Variants in ANK3 observed in about 807,000 individuals in gnomAD.
ANK3 encodes ankyrin-3.
ANK3 carries 57 observed loss-of-function variants against 370.9 expected under a neutral mutation model. The observed-to-expected ratio is 0.15, with a 90% CI of 0.12 to 0.19. ANK3 has a LOEUF of 0.19. Ranked by LOEUF, ANK3 falls within the 10% of genes least tolerant of loss-of-function variation. ANK3 has a pLI of 1.00. For missense variants in ANK3, 4,439 were observed against 5,302.1 expected, an observed-to-expected ratio of 0.84 and a Z score of 5.06; for synonymous variants, 1,929 against 1,946.3, an observed-to-expected ratio of 0.99 and a Z score of 0.23.
rs542880417 is a variant in ANK3 at position 60,194,916 on chromosome 10, C to A, written c.1887+1229G>T. On this transcript the variant is annotated intron_variant, in intron 16 of 43. Transcript: ENST00000280772. The stretch of plus-strand genomic sequence containing the variant: ...AAAGTTTCCAGGAAGAAATATCTGT[C>A]GAAGATAACATACTCTCTAAATGGA... 2.6e-5 allele frequency among the ~76,000 whole-genome samples: 4 copies of A among 152,092 alleles called. No homozygotes were observed. In the East Asian group the frequency reaches 7.7e-4, roughly 29 times the overall value.
At chr10:60,473,966 C>CAAAAAA (rs139841930) in intron 2 of ANK3, among the ~76,000 whole-genome samples, 1 of 92,650 alleles carries the variant, frequency 1.1e-5, no homozygotes, top group Non-Finnish European at 2.1e-5. Flanking sequence ...CCTGTTTCTA[C>CAAAAAA]AAAAAAAAAA....
rs71015756 is a variant in ANK3 at position 60,029,875 on chromosome 10, C to CTTTTTTTTTTTTTTTTTTTTTTTT, written c.*20-73_*20-50dup. 2.5e-4 allele frequency: 17 copies of CTTTTTTTTTTTTTTTTTTTTTTTT among 68,606 alleles called. 1 individual carries two copies. Among genetic ancestry groups the CTTTTTTTTTTTTTTTTTTTTTTTT allele is most frequent in the East Asian group, 1.4e-3 (3 of 2,204 alleles). 4.2% of individuals were successfully genotyped at this position (68,606 alleles called of 1,614,324 possible). On this transcript the variant is annotated intron_variant, in intron 43 of 43. Transcript: ENST00000280772. ...TGAGTTTAGCTTTCTTTTTCTTTTT[C>CTTTTTTTTTTTTTTTTTTTTTTTT]TTTTTTTTTTTTTTTTTTTTTTTTT...
At chr10:60,312,084 A>G (rs2046465901) in intron 1 of ANK3, among the ~76,000 whole-genome samples, 1 of 152,220 alleles carries the variant, frequency 6.6e-6, no homozygotes, top group African/African-American at 2.4e-5. Context: ...GGCAGGAATA[A>G]AACAGGATAG....
intron 2 of ANK3, among the ~76,000 whole-genome samples, chr10:60,586,874 G>A (rs561705938): frequency 2.2e-4 from 34 of 152,220 alleles, no homozygotes; most frequent in African/African-American, 8.2e-4. Flanking sequence ...GAGCCACTAG[G>A]GGTTACGGCA....
rs2077962511 is a variant in ANK3, at chr10:60,594,655, A to C, written c.96+20531T>G. 1.3e-5 allele frequency among the ~76,000 whole-genome samples: 2 copies of C among 152,206 alleles called. 1 individual carries two copies. Among genetic ancestry groups the C allele is most frequent in the African/African-American group, 4.8e-5 (2 of 41,450 alleles). ...TGAAAAAAATATATATAAGAAAAGT[A>C]AAATGTAGACACAGCAAATTTTTTA... On this transcript the variant is annotated intron_variant, in intron 2 of 43. Transcript: ENST00000373827.
chr10:60,055,272 G>C (rs1012571463), intron 42 of ANK3, among the ~76,000 whole-genome samples: 2 of 152,118 alleles, frequency 1.3e-5, no homozygotes, highest in African/African-American at 4.8e-5. Flanking sequence ...GGATCAGAAT[G>C]ATTATCCTCC....
intron 1 of ANK3, among the ~76,000 whole-genome samples, chr10:60,706,353 C>T (rs1200822857): frequency 1.3e-5 from 2 of 152,120 alleles, no homozygotes. Flanking sequence ...AGAGACATGC[C>T]AGCCCCAAGG....
chr10:60,211,646 G>T (rs574990448), intron 9 of ANK3, among the ~76,000 whole-genome samples: 2 of 152,054 alleles, frequency 1.3e-5, no homozygotes, highest in African/African-American at 4.8e-5. Flanking sequence ...CACAAGACTG[G>T]CAGCCTCTTT....
At position 60,289,893 on chromosome 10, in the gene ANK3, G is replaced by A. The variant is rs141343102; in HGVS notation, c.115-10254C>T. On this transcript the variant is annotated intron_variant, in intron 1 of 43. Coordinates refer to ENST00000280772, the MANE Select transcript of ANK3 (RefSeq NM_020987.5). Reference sequence around the variant, plus strand: ...AAAAAATTAGTCTAATGACTTGAAAGGCCCATTCTTCTGTGTTTAAGGCTT... The same window carrying A: ...AAAAAATTAGTCTAATGACTTGAAAAGCCCATTCTTCTGTGTTTAAGGCTT... 5.3e-5 allele frequency among the ~76,000 whole-genome samples: 8 copies of A among 152,280 alleles called. No individual in the cohort carries two copies. In the East Asian group the frequency reaches 1.4e-3, roughly 26 times the overall value.
intron 16 of ANK3, among the ~76,000 whole-genome samples, chr10:60,190,163 A>C (rs1488023593): frequency 6.6e-6 from 1 of 152,212 alleles, no homozygotes; most frequent in African/African-American, 2.4e-5. Context: ...ATACATTGGC[A>C]ATTTTAAAAA....
At chr10:60,083,720 A>G (rs1353905739) in intron 32 of ANK3, 103 bp from the exon 33 acceptor site, 1 of 982,124 alleles carries the variant, frequency 1.0e-6, no homozygotes, top group Non-Finnish European at 1.5e-6. Flanking sequence ...ACTATGTTAC[A>G]CGTGTCTCTA....
chr10:60,605,647 C>T (rs1247264715), intron 2 of ANK3, among the ~76,000 whole-genome samples: 1 of 152,044 alleles, frequency 6.6e-6, no homozygotes, highest in Non-Finnish European at 1.5e-5. Flanking sequence ...TGAATGGGAG[C>T]ATGTGGTCTC....
At chr10:60,089,585 A>G (rs1336457488) in intron 28 of ANK3, among the ~76,000 whole-genome samples, 1 of 152,070 alleles carries the variant, frequency 6.6e-6, no homozygotes, top group Non-Finnish European at 1.5e-5. Context: ...AAAAATTTTT[A>G]TGGCATAATA....
intron 16 of ANK3, 74 bp downstream of exon 16, chr10:60,196,071 G>A: frequency 1.5e-6 from 2 of 1,339,752 alleles, no homozygotes; most frequent in Non-Finnish European, 2.1e-6. Flanking sequence ...TCCTGCTGAA[G>A]CAGAAGTAGA....
chr10:60,317,823 C>T (rs908155088), intron 1 of ANK3, among the ~76,000 whole-genome samples: 9 of 151,202 alleles, frequency 6.0e-5, no homozygotes, highest in African/African-American at 2.2e-4. Context: ...ATGCTATTCT[C>T]CTGCCTCAGC....
chr10:60,572,971 G>A (rs747347381), intron 2 of ANK3: 7 of 988,360 alleles, frequency 7.1e-6, no homozygotes, highest in African/African-American at 3.5e-5. Flanking sequence ...ACAAGTCTCC[G>A]AAGCCTTCCC....
At chr10:60,470,092 G>A (rs967008996) in intron 2 of ANK3, among the ~76,000 whole-genome samples, 8 of 152,092 alleles carry the variant, frequency 5.3e-5, no homozygotes, top group Non-Finnish European at 7.4e-5. Flanking sequence ...ATAATCTTCC[G>A]TGTCAGTCTA....
intron 9 of ANK3, among the ~76,000 whole-genome samples, chr10:60,209,757 T>C (rs2096823521): frequency 6.6e-6 from 1 of 152,114 alleles, no homozygotes; most frequent in South Asian, 2.1e-4. Flanking sequence ...TTTGATACAG[T>C]CTTAGAGGAA....
chr10:60,311,420 CTCACAT>C (rs1297778640), intron 1 of ANK3, among the ~76,000 whole-genome samples: 1 of 149,176 alleles, frequency 6.7e-6, no homozygotes, highest in Admixed American at 6.7e-5. Context: ...TAGTGAGTTC[CTCACAT>C]TCAGTCAATT....
Sources: gnomAD v4.1 joint callset for allele counts (sites outside exome capture counted in the v4.1 genomes callset) on GRCh38, gnomAD v4.1.1 for gene constraint, MANE v1.5 for transcripts, NCBI Gene and HGNC (gene_info 2026-07-23, HGNC 2026-07-21) for gene names.